The following MACROD2 variants were observed in gnomAD, a reference collection of about 807,000 sequenced individuals.
The protein encoded by MACROD2 is mono-ADP ribosylhydrolase 2, also known as ADP-ribose glycohydrolase MACROD2.
Under a neutral mutation model 70.4 loss-of-function variants are expected in MACROD2, and 36 were observed. The observed-to-expected ratio is 0.51, with a 90% CI of 0.39 to 0.68. MACROD2 has a LOEUF of 0.68. MACROD2 is among the 30% of genes least tolerant of loss of function. MACROD2 has a pLI of 0.00. For synonymous variants in MACROD2, 172 were observed against 178.8 expected (o/e 0.96, Z 0.30); for missense variants, 496 against 538.4 (o/e 0.92, Z 0.78).
intron 5 of MACROD2, among the ~76,000 whole-genome samples, chr20:15,084,076 T>G (rs1568565003): frequency 1.3e-5 from 2 of 148,356 alleles, no homozygotes; most frequent in African/African-American, 5.1e-5. Context: ...TTTTTTGTTT[T>G]TTTTTTTTAA....
chr20:14,225,878 A>C (rs1384998336), intron 3 of MACROD2, among the ~76,000 whole-genome samples: 1 of 152,190 alleles, frequency 6.6e-6, no homozygotes, highest in African/African-American at 2.4e-5. Context: ...AGGCCCACCC[A>C]CAAAAGGCTG....
At chr20:14,182,409 T>C (rs1440407867) in intron 3 of MACROD2, among the ~76,000 whole-genome samples, 2 of 152,176 alleles carry the variant, frequency 1.3e-5, no homozygotes, top group African/African-American at 4.8e-5. Flanking sequence ...TGTAAATATT[T>C]TTTTCCATCC....
chr20:15,155,480 A>G (rs983475468), intron 5 of MACROD2, among the ~76,000 whole-genome samples: 7 of 151,886 alleles, frequency 4.6e-5, no homozygotes, highest in African/African-American at 1.5e-4. Context: ...CCACCCTGCT[A>G]CTCTTTACTT....
At chr20:14,807,712 G>A (rs144001588) in intron 5 of MACROD2, among the ~76,000 whole-genome samples, 2,047 of 152,152 alleles carry the variant, frequency 0.013, 45 homozygotes, top group African/African-American at 0.047. Context: ...TTAGAGGAAC[G>A]GCTAAGTAGA....
intron 5 of MACROD2, among the ~76,000 whole-genome samples, chr20:15,168,801 G>A (rs2076403973): frequency 6.6e-6 from 1 of 152,050 alleles, no homozygotes; most frequent in South Asian, 2.1e-4. Flanking sequence ...AGGCAACATA[G>A]CAAGACTCCA....
rs79160093 is a variant in MACROD2 at position 14,989,120 on chromosome 20, G to A, written c.419-240820G>A. ...TTTTTAAAAAGTATGTTACCATATA[G>A]CGACATATAGAATTTTAGCTTTTTT... On this transcript the variant is annotated intron_variant, in intron 5 of 17. Transcript: ENST00000684519. Among the ~76,000 whole-genome samples the A allele has an allele frequency of 6.8e-4, 104 of 152,166 alleles. 1 individual carries two copies. Among genetic ancestry groups the A allele is most frequent in the African/African-American group, 2.4e-3 (101 of 41,522 alleles).
chr20:14,194,334 T>C (rs1038459046), intron 3 of MACROD2, among the ~76,000 whole-genome samples: 1 of 152,216 alleles, frequency 6.6e-6, no homozygotes. Context: ...CCAGCCAAGA[T>C]TGGGATCACT....
In MACROD2 at chr20:14,614,523, AT is replaced by A. The variant is rs1983363976; in HGVS notation, c.302-70318del. Among the ~76,000 whole-genome samples, 6 of 152,234 alleles carry A rather than the reference AT, an allele frequency of 3.9e-5. No individual in the cohort carries two copies. The South Asian group carries it at 1.2e-3, about 32-fold the overall frequency. ...GGAACGATGGCCGTAAATGGCTGTA[AT>A]TATCCTGCTGACTAAATTATAAACT... On this transcript the variant is annotated intron_variant, in intron 4 of 17. Coordinates refer to ENST00000684519, the MANE Select transcript of MACROD2 (RefSeq NM_001351661.2).
At chr20:14,725,359 G>A (rs185084682) in intron 5 of MACROD2, among the ~76,000 whole-genome samples, 62 of 152,216 alleles carry the variant, frequency 4.1e-4, no homozygotes, top group Non-Finnish European at 7.6e-4. Context: ...CCTAAGCAGA[G>A]AATGGAGATG....
chr20:15,301,591 C>CTTTTTTTTTTTTTCT (rs2077643266), intron 6 of MACROD2, among the ~76,000 whole-genome samples: 1 of 81,250 alleles, frequency 1.2e-5, no homozygotes, highest in Non-Finnish European at 2.4e-5. Context: ...GGTAGGTGGC[C>CTTTTTTTTTTTTTCT]TTTTTTTTTT....
intron 8 of MACROD2, among the ~76,000 whole-genome samples, chr20:15,659,483 C>T (rs1045593432): frequency 2.6e-5 from 4 of 151,988 alleles, no homozygotes; most frequent in African/African-American, 9.7e-5. Context: ...TCCATACCTG[C>T]ATCAACCAGA....
At chr20:15,047,465 A>C (rs1226073639) in intron 5 of MACROD2, among the ~76,000 whole-genome samples, 2 of 152,242 alleles carry the variant, frequency 1.3e-5, no homozygotes, top group African/African-American at 2.4e-5. Context: ...GATAAAAATT[A>C]GTATGATACA....
chr20:15,442,251 C>A (rs2046505490), intron 7 of MACROD2, among the ~76,000 whole-genome samples: 1 of 152,100 alleles, frequency 6.6e-6, no homozygotes, highest in Admixed American at 6.6e-5. Flanking sequence ...GTCAATGATA[C>A]TCTTTTAAAA....
chr20:16,024,063 C>T (rs2067042211), intron 15 of MACROD2, among the ~76,000 whole-genome samples: 1 of 152,234 alleles, frequency 6.6e-6, no homozygotes, highest in South Asian at 2.1e-4. Context: ...AATAGCTGCT[C>T]CAAATAGCTA....
At chr20:14,083,057 G>A (rs1026027145) in intron 2 of MACROD2, among the ~76,000 whole-genome samples, 11 of 146,972 alleles carry the variant, frequency 7.5e-5, no homozygotes, top group Admixed American at 1.4e-4. Context: ...TTTTGAAAAA[G>A]TATCTTAGTA....
In MACROD2 at chr20:14,470,450, A is replaced by G. The variant is rs140959580; in HGVS notation, c.272-23029A>G. Among the ~76,000 whole-genome samples, 11 of 152,296 alleles carry G rather than the reference A, an allele frequency of 7.2e-5. No homozygotes were observed. In the East Asian group the frequency reaches 2.1e-3, roughly 29 times the overall value. ...GCAGTCTGTCCCTTAGCAGAGCTCAAGTGCTGTGCTAGAAGATCTTCTCTC... is the reference window on the plus strand; with the variant it reads ...GCAGTCTGTCCCTTAGCAGAGCTCAGGTGCTGTGCTAGAAGATCTTCTCTC... On this transcript the variant is annotated intron_variant, in intron 3 of 17. Coordinates refer to ENST00000684519, the MANE Select transcript of MACROD2 (RefSeq NM_001351661.2).
intron 5 of MACROD2, among the ~76,000 whole-genome samples, chr20:14,846,331 C>A (rs2073139860): frequency 6.6e-6 from 1 of 152,076 alleles, no homozygotes; most frequent in Non-Finnish European, 1.5e-5. Flanking sequence ...TCAAGTGATT[C>A]TCATGCCTCA....
At chr20:14,709,722 C>T (rs2071315138) in intron 5 of MACROD2, among the ~76,000 whole-genome samples, 2 of 152,168 alleles carry the variant, frequency 1.3e-5, no homozygotes, top group Admixed American at 6.6e-5. Context: ...GGTTAACTTA[C>T]ATACATTACA....
intron 8 of MACROD2, among the ~76,000 whole-genome samples, chr20:15,804,995 G>A (rs766353824): frequency 3.3e-5 from 5 of 152,136 alleles, no homozygotes; most frequent in South Asian, 2.1e-4. Context: ...TTGCACTCGC[G>A]TTGCCCACAG....
Sources: gnomAD v4.1 joint callset for allele counts (sites outside exome capture counted in the v4.1 genomes callset) on GRCh38, gnomAD v4.1.1 for gene constraint, MANE v1.5 for transcripts, NCBI Gene and HGNC (gene_info 2026-07-23, HGNC 2026-07-21) for gene names.